The following C16orf78 variants were observed in gnomAD, a reference collection of about 807,000 sequenced individuals.
C16orf78 encodes the protein uncharacterized protein C16orf78.
Under a neutral mutation model 27.3 loss-of-function variants are expected in C16orf78, and 19 were observed. That is an observed-to-expected ratio of 0.70 (90% CI 0.49 to 1.02). C16orf78 has a LOEUF of 1.02. Among genes scored for constraint, C16orf78 ranks in the 50% least tolerant of loss-of-function variants. The pLI, the probability that C16orf78 is intolerant of heterozygous loss-of-function variation, is 0.00. For synonymous variants in C16orf78, 130 were observed against 116.1 expected (o/e 1.12, Z -0.77); for missense variants, 339 against 337.0 (o/e 1.01, Z -0.05).
At chr16:49,391,719 T>A (rs1352091674) in intron 3 of C16orf78, among the ~76,000 whole-genome samples, 1 of 152,202 alleles carries the variant, frequency 6.6e-6, no homozygotes, top group Non-Finnish European at 1.5e-5. Context: ...TGTTAGCTAA[T>A]CTGTGTAATT....
intron 3 of C16orf78, among the ~76,000 whole-genome samples, chr16:49,388,413 T>C (rs989704611): frequency 2.6e-5 from 4 of 152,232 alleles, no homozygotes; most frequent in Non-Finnish European, 5.9e-5. Context: ...ATTGTATCTT[T>C]ATTTTCATCT....
chr16:49,392,489 G>A (rs570125965), intron 3 of C16orf78, among the ~76,000 whole-genome samples: 4 of 152,300 alleles, frequency 2.6e-5, no homozygotes, highest in South Asian at 4.1e-4. Context: ...ACAAGGAAAC[G>A]CAAGTAGATG....
chr16:49,389,135 T>C (rs1383757359), intron 3 of C16orf78, among the ~76,000 whole-genome samples: 1 of 152,180 alleles, frequency 6.6e-6, no homozygotes, highest in Non-Finnish European at 1.5e-5. Flanking sequence ...TATAACTCTT[T>C]GTTGCAGCCT....
At chr16:49,397,136 A>G (rs186278498) in intron 4 of C16orf78, among the ~76,000 whole-genome samples, 1 of 152,154 alleles carries the variant, frequency 6.6e-6, no homozygotes, top group East Asian at 1.9e-4. Flanking sequence ...AAAGTGTGAA[A>G]CCATTTGATA....
intron 3 of C16orf78, among the ~76,000 whole-genome samples, chr16:49,395,721 C>T (rs1965462942): frequency 6.6e-6 from 1 of 152,226 alleles, no homozygotes; most frequent in Non-Finnish European, 1.5e-5. Flanking sequence ...CAACGATTCG[C>T]CCTTTTAAAC....
At position 49,373,966 on chromosome 16, in the gene C16orf78, G is replaced by A. The variant is rs1266920057; in HGVS notation, c.27G>A (p.Lys9=). ...TGTCAGAGCAACAAATGGACCTGAA[G>A]GATTTAATGCCCACAAAGAGGAAAT... MSEQQMDL[K]DLMPTKRKYM... is the part of the protein sequence containing the mutation. The change falls in exon 1 of 5, where the codon AAG becomes AAA. Residue 9 remains lysine, a synonymous_variant. Transcript: ENST00000299191. The A allele has an allele frequency of 4.3e-6, 7 of 1,614,048 alleles. No individual in the cohort carries two copies. The highest frequency in any genetic ancestry group is 1.3e-5 in the African/African-American group (1 of 74,918).
intron 3 of C16orf78, among the ~76,000 whole-genome samples, chr16:49,386,133 G>T (rs1305355485): frequency 2.0e-5 from 3 of 151,840 alleles, no homozygotes; most frequent in Non-Finnish European, 2.9e-5. Context: ...ATATAACAAG[G>T]GATTGATTCA....
intron 1 of C16orf78, among the ~76,000 whole-genome samples, chr16:49,376,643 C>G (rs1441153239): frequency 1.3e-5 from 2 of 152,182 alleles, no homozygotes; most frequent in Admixed American, 1.3e-4. Context: ...TTCCATACTC[C>G]CAAATGGCTT....
intron 3 of C16orf78, among the ~76,000 whole-genome samples, chr16:49,379,975 A>G (rs1800478500): frequency 6.6e-6 from 1 of 152,240 alleles, no homozygotes; most frequent in Non-Finnish European, 1.5e-5. Flanking sequence ...CAGCACAGCT[A>G]GAATAAAGCA....
intron 3 of C16orf78, among the ~76,000 whole-genome samples, chr16:49,383,233 T>G (rs944910071): frequency 6.6e-6 from 1 of 152,242 alleles, no homozygotes. Flanking sequence ...TAGTCAGGGC[T>G]GAGCCTGGGC....
intron 3 of C16orf78, among the ~76,000 whole-genome samples, chr16:49,395,904 G>A (rs1257869121): frequency 2.0e-5 from 3 of 152,072 alleles, no homozygotes; most frequent in African/African-American, 7.2e-5. Flanking sequence ...GTCGGAACAG[G>A]GCAGGGAGAA....
At chr16:49,384,731 A>C (rs1282412823) in intron 3 of C16orf78, among the ~76,000 whole-genome samples, 1 of 152,202 alleles carries the variant, frequency 6.6e-6, no homozygotes, top group Non-Finnish European at 1.5e-5. Flanking sequence ...AAAGGTCTGT[A>C]CCAAGACATA....
chr16:49,386,498 A>G (rs1965353129), intron 3 of C16orf78, among the ~76,000 whole-genome samples: 1 of 152,094 alleles, frequency 6.6e-6, no homozygotes, highest in African/African-American at 2.4e-5. Context: ...TACATAGGTA[A>G]ATTCATGTCA....
At chr16:49,397,143 G>A (rs1325785111) in intron 4 of C16orf78, among the ~76,000 whole-genome samples, 1 of 152,066 alleles carries the variant, frequency 6.6e-6, no homozygotes, top group Non-Finnish European at 1.5e-5. Flanking sequence ...GAAACCATTT[G>A]ATATTTACTG....
At chr16:49,388,998 A>T (rs1279884560) in intron 3 of C16orf78, among the ~76,000 whole-genome samples, 1 of 152,240 alleles carries the variant, frequency 6.6e-6, no homozygotes, top group Non-Finnish European at 1.5e-5. Flanking sequence ...GGAAATTAAC[A>T]CATATCTTCA....
chr16:49,385,441 G>A (rs1352337114), intron 3 of C16orf78, among the ~76,000 whole-genome samples: 1 of 152,142 alleles, frequency 6.6e-6, no homozygotes, highest in Non-Finnish European at 1.5e-5. Flanking sequence ...GGGAGGCCGA[G>A]TGGTTGGATC....
chr16:49,374,183 G>A, intron 1 of C16orf78, 94 bp downstream of exon 1: 11 of 1,491,692 alleles, frequency 7.4e-6, no homozygotes, highest in Non-Finnish European at 1.0e-5. Context: ...GAAACAAAAG[G>A]CGGGATGGTT....
At chr16:49,378,886 T>C (rs1965255059) in intron 3 of C16orf78, among the ~76,000 whole-genome samples, 1 of 152,212 alleles carries the variant, frequency 6.6e-6, no homozygotes, top group African/African-American at 2.4e-5. Flanking sequence ...CCTGAAGCTA[T>C]TTTGGTGACA....
Position 49,399,295 on chromosome 16 carries a change from C to T in C16orf78, c.*17C>T. ...GCCCTCTAAATAGCTCCTCTCGCCACCACCTTCAGGCTCCTTCTGTCATGG... is the reference window on the plus strand; with the variant it reads ...GCCCTCTAAATAGCTCCTCTCGCCATCACCTTCAGGCTCCTTCTGTCATGG... On this transcript the variant is annotated 3_prime_UTR_variant, in exon 5 of 5. Transcript: ENST00000299191. 1 of 1,613,200 alleles carries T rather than the reference C, an allele frequency of 6.2e-7. No homozygotes were observed. The highest frequency in any genetic ancestry group is 8.5e-7 in the Non-Finnish European group (1 of 1,179,590).
Sources: allele counts gnomAD v4.1 joint callset (sites outside exome capture counted in the v4.1 genomes callset), GRCh38; gene constraint gnomAD v4.1.1; transcripts MANE v1.5; gene names NCBI Gene and HGNC (gene_info 2026-07-23, HGNC 2026-07-21).